Variants in CNTN4 observed in about 807,000 individuals in gnomAD.
The protein encoded by CNTN4 is contactin 4, also known as contactin-4.
CNTN4 carries 77 observed loss-of-function variants against 122.5 expected under a neutral mutation model. That is an observed-to-expected ratio of 0.63 (90% CI 0.52 to 0.76). The LOEUF (loss-of-function observed/expected upper bound fraction) is 0.76, where lower values mean the gene tolerates loss of function less well. Ranked by LOEUF, CNTN4 falls within the 30% of genes least tolerant of loss-of-function variation. CNTN4 has a pLI of 0.00. For synonymous variants in CNTN4, 512 were observed against 447.0 expected, an observed-to-expected ratio of 1.15 and a Z score of -1.83; for missense variants, 1,256 against 1,259.1, an observed-to-expected ratio of 1.00 and a Z score of 0.04.
chr3:2,119,242 T>C (rs764113775), intron 2 of CNTN4, among the ~76,000 whole-genome samples: 83 of 152,186 alleles, frequency 5.5e-4, no homozygotes, highest in Non-Finnish European at 9.8e-4. Context: ...ATTTTGCACT[T>C]GCCAACCTCC....
At chr3:3,012,665 T>C (rs1027127803) in intron 14 of CNTN4, among the ~76,000 whole-genome samples, 32 of 152,022 alleles carry the variant, frequency 2.1e-4, no homozygotes, top group Admixed American at 4.6e-4. Context: ...TGGCCAGACT[T>C]CTATTCTCAA....
chr3:2,967,837 G>A (rs1467650278), intron 13 of CNTN4, among the ~76,000 whole-genome samples: 2 of 150,400 alleles, frequency 1.3e-5, no homozygotes, highest in Non-Finnish European at 3.0e-5. Context: ...TACTTCAGAG[G>A]AGTTTTGTTT....
At chr3:2,854,371 C>A (rs1314580855) in intron 7 of CNTN4, among the ~76,000 whole-genome samples, 1 of 144,238 alleles carries the variant, frequency 6.9e-6, no homozygotes, top group Non-Finnish European at 1.5e-5. Context: ...CTCCCCGGTT[C>A]AAGAGATTTT....
At chr3:2,131,006 GGAA>G (rs2034423627) in intron 2 of CNTN4, among the ~76,000 whole-genome samples, 1 of 152,114 alleles carries the variant, frequency 6.6e-6, no homozygotes, top group Non-Finnish European at 1.5e-5. Context: ...TTTGCATATT[GGAA>G]CTGCAGATAA....
At chr3:2,592,638 C>G (rs2080554572) in intron 4 of CNTN4, among the ~76,000 whole-genome samples, 3 of 152,166 alleles carry the variant, frequency 2.0e-5, no homozygotes. Flanking sequence ...CTTTGTGCCT[C>G]CTTTCCTTCC....
chr3:2,856,056 T>C (rs945198480), intron 7 of CNTN4, among the ~76,000 whole-genome samples: 3 of 152,216 alleles, frequency 2.0e-5, no homozygotes, highest in Non-Finnish European at 2.9e-5. Flanking sequence ...ACTAACACTT[T>C]GGGCCTGGAG....
At chr3:2,197,171 G>A (rs1412255324) in intron 2 of CNTN4, among the ~76,000 whole-genome samples, 1 of 151,966 alleles carries the variant, frequency 6.6e-6, no homozygotes, top group Non-Finnish European at 1.5e-5. Flanking sequence ...TTACAATTTG[G>A]CATCACTTCC....
chr3:2,679,217 T>C (rs547261237), intron 4 of CNTN4, among the ~76,000 whole-genome samples: 12 of 152,296 alleles, frequency 7.9e-5, no homozygotes, highest in African/African-American at 2.4e-4. Flanking sequence ...ATTTTAGAGG[T>C]AGTTAATTAA....
At chr3:2,804,061 G>A (rs57795577) in intron 6 of CNTN4, among the ~76,000 whole-genome samples, 1 of 56,936 alleles carries the variant, frequency 1.8e-5, no homozygotes, top group Non-Finnish European at 3.2e-5. Context: ...ATATATATAT[G>A]TCTGCACACA....
chr3:2,104,636 G>A (rs919623997), intron 2 of CNTN4, among the ~76,000 whole-genome samples: 9 of 152,180 alleles, frequency 5.9e-5, no homozygotes, highest in African/African-American at 1.9e-4. Context: ...GGAAGTGGTT[G>A]TCATGACTTC....
chr3:2,446,293 C>T (rs2048622958), intron 3 of CNTN4, among the ~76,000 whole-genome samples: 1 of 152,096 alleles, frequency 6.6e-6, no homozygotes, highest in Non-Finnish European at 1.5e-5. Context: ...TGGCACGGTC[C>T]TGTTTTTATT....
chr3:2,462,201 C>G (rs538357472), intron 3 of CNTN4, among the ~76,000 whole-genome samples: 1 of 152,262 alleles, frequency 6.6e-6, no homozygotes, highest in African/African-American at 2.4e-5. Flanking sequence ...ATTTCCAAAT[C>G]AGGAAAGCAG....
At chr3:2,131,453 C>T (rs543949643) in intron 2 of CNTN4, among the ~76,000 whole-genome samples, 14 of 152,212 alleles carry the variant, frequency 9.2e-5, no homozygotes, top group African/African-American at 3.1e-4. Context: ...GATAGTCTTT[C>T]TTGGCCATTT....
At chr3:2,438,104 G>A (rs536853514) in intron 3 of CNTN4, among the ~76,000 whole-genome samples, 6 of 152,098 alleles carry the variant, frequency 3.9e-5, no homozygotes, top group African/African-American at 9.6e-5. Flanking sequence ...ATTGACCTCC[G>A]CAAGGTCATA....
chr3:2,650,020 T>G lies in CNTN4; in HGVS notation c.55+78462T>G, dbSNP rs569522071. ...ATATTTTACATATAAATATATATAT[T>G]TATAAATATATATAATATAAATTCA... On this transcript the variant is annotated intron_variant, in intron 4 of 24. Transcript: ENST00000418658. 1.6e-3 allele frequency among the ~76,000 whole-genome samples: 237 copies of G among 147,396 alleles called. 4 individuals carry two copies. Among genetic ancestry groups the G allele is most frequent in the Admixed American group, 2.9e-3 (43 of 14,682 alleles).
intron 6 of CNTN4, among the ~76,000 whole-genome samples, chr3:2,796,507 GA>G: frequency 6.6e-6 from 1 of 152,206 alleles, no homozygotes; most frequent in East Asian, 1.9e-4. Context: ...AGAAAAAAAT[GA>G]AGAGCTAGAA....
chr3:2,370,731 G>A (rs929702640), intron 3 of CNTN4, among the ~76,000 whole-genome samples: 1 of 152,098 alleles, frequency 6.6e-6, no homozygotes, highest in African/African-American at 2.4e-5. Context: ...CAGTATTGAT[G>A]AATTTTTATT....
At chr3:2,691,496 T>G (rs1341442390) in intron 4 of CNTN4, among the ~76,000 whole-genome samples, 1 of 152,148 alleles carries the variant, frequency 6.6e-6, no homozygotes, top group East Asian at 1.9e-4. Flanking sequence ...CTCCAGGACA[T>G]TATCTCAGTT....
chr3:2,210,729 AGTT>A (rs1235276625), intron 2 of CNTN4, among the ~76,000 whole-genome samples: 2 of 152,094 alleles, frequency 1.3e-5, no homozygotes, highest in Non-Finnish European at 2.9e-5. Flanking sequence ...TCTGTCTCCT[AGTT>A]GCCCACTTTG....
Sources: allele counts gnomAD v4.1 joint callset (sites outside exome capture counted in the v4.1 genomes callset), GRCh38; gene constraint gnomAD v4.1.1; transcripts MANE v1.5; gene names NCBI Gene and HGNC (gene_info 2026-07-23, HGNC 2026-07-21).